CDH23: variants seen among roughly 807,000 people sequenced by gnomAD.
The protein encoded by CDH23 is cadherin related 23.
In CDH23, 189 loss-of-function variants were observed where a neutral mutation model predicts 317.1. That is an observed-to-expected ratio of 0.60 (90% confidence interval 0.53 to 0.67). The LOEUF (loss-of-function observed/expected upper bound fraction) is 0.67. Ranked by LOEUF, CDH23 falls within the 30% of genes least tolerant of loss-of-function variation. The pLI is 0.00. For synonymous variants in CDH23, 1,839 were observed against 1,876.8 expected, an observed-to-expected ratio of 0.98 and a Z score of 0.52; for missense variants, 4,401 against 4,592.4, an observed-to-expected ratio of 0.96 and a Z score of 1.20.
chr10:71,453,409 C>T (rs114169250), intron 3 of CDH23, among the ~76,000 whole-genome samples: 181 of 152,360 alleles, frequency 1.2e-3, no homozygotes, highest in African/African-American at 4.1e-3. Context: ...GCCGGCAACT[C>T]CCCGCAGGAG....
intron 3 of CDH23, among the ~76,000 whole-genome samples, chr10:71,452,734 C>T (rs1475016464): frequency 3.9e-5 from 6 of 152,152 alleles, no homozygotes; most frequent in African/African-American, 1.4e-4. Context: ...TAATTAACAG[C>T]GATTTTAGTG....
intron 6 of CDH23, among the ~76,000 whole-genome samples, chr10:71,523,593 C>T (rs55986323): frequency 0.08 from 12,113 of 152,104 alleles, 704 homozygotes; most frequent in Non-Finnish European, 0.12. Flanking sequence ...AGCCAGCAGC[C>T]GGGGGGAAAT....
At chr10:71,554,805 A>G (rs1856790319) in intron 6 of CDH23, among the ~76,000 whole-genome samples, 1 of 151,714 alleles carries the variant, frequency 6.6e-6, no homozygotes, top group South Asian at 2.1e-4. Context: ...CCAGCTCTCT[A>G]TAGAAGATAG....
intron 27 of CDH23, among the ~76,000 whole-genome samples, chr10:71,711,349 C>T (rs750749422): frequency 7.2e-5 from 11 of 152,154 alleles, no homozygotes; most frequent in South Asian, 2.1e-4. Flanking sequence ...CTCCAGTGAG[C>T]GACAGCACTG....
At position 71,537,319 on chromosome 10, in the gene CDH23, C is replaced by T. The variant is rs577688478; in HGVS notation, c.429+26107C>T. Among the ~76,000 whole-genome samples the T allele has an allele frequency of 5.5e-4, 84 of 152,220 alleles. 2 individuals are homozygous for T. The South Asian group carries it at 0.014, about 25-fold the overall frequency. On this transcript the variant is annotated intron_variant, in intron 6 of 69. Coordinates refer to ENST00000224721, the MANE Select transcript of CDH23 (RefSeq NM_022124.6). ...AAGTCATTAGTGGTAATAAACACAG[C>T]GGAGAGCCCGGGACATGATCCGTCA...
At chr10:71,491,253 T>C (rs1852641839) in intron 3 of CDH23, among the ~76,000 whole-genome samples, 1 of 152,154 alleles carries the variant, frequency 6.6e-6, no homozygotes, top group Admixed American at 6.5e-5. Context: ...TACTTTGCAG[T>C]GTGGCTGCAT....
At chr10:71,538,252 A>G (rs74488071) in intron 6 of CDH23, among the ~76,000 whole-genome samples, 2,775 of 152,320 alleles carry the variant, frequency 0.018, 85 homozygotes, top group African/African-American at 0.058. Context: ...AACTTCTCAC[A>G]GTCTCCAGCA....
At chr10:71,523,738 A>G (rs1021603494) in intron 6 of CDH23, among the ~76,000 whole-genome samples, 1 of 152,184 alleles carries the variant, frequency 6.6e-6, no homozygotes, top group Non-Finnish European at 1.5e-5. Context: ...CCATCCATCT[A>G]TTCATTCAAA....
intron 6 of CDH23, among the ~76,000 whole-genome samples, chr10:71,553,476 A>G (rs1856711852): frequency 6.6e-6 from 1 of 152,022 alleles, no homozygotes; most frequent in Admixed American, 6.5e-5. Context: ...GGCAGAAACC[A>G]CACCAGGCCT....
At chr10:71,798,331 C>T (rs1841459431) in intron 49 of CDH23, 23 bp from the exon 50 acceptor site, 3 of 1,583,338 alleles carry the variant, frequency 1.9e-6, no homozygotes, top group Admixed American at 1.7e-5. Context: ...TCCCCTCTCC[C>T]TCACTCCCTG....
chr10:71,599,152 C>G (rs2132469803), intron 9 of CDH23, among the ~76,000 whole-genome samples: 1 of 152,304 alleles, frequency 6.6e-6, no homozygotes, highest in South Asian at 2.1e-4. Flanking sequence ...CATGTATTCA[C>G]CACCCTGATA....
chr10:71,575,454 A>T (rs1462073039), intron 8 of CDH23, among the ~76,000 whole-genome samples: 1 of 152,216 alleles, frequency 6.6e-6, no homozygotes, highest in Non-Finnish European at 1.5e-5. Flanking sequence ...TAACTTACTC[A>T]AAGGATTCGA....
At chr10:71,520,890 G>T (rs990803379) in intron 6 of CDH23, among the ~76,000 whole-genome samples, 2 of 152,160 alleles carry the variant, frequency 1.3e-5, no homozygotes, top group Admixed American at 6.5e-5. Context: ...TGATGTGTGC[G>T]CAGGCTGCCT....
intron 4 of CDH23, among the ~76,000 whole-genome samples, chr10:71,510,573 G>A (rs936263345): frequency 6.6e-6 from 1 of 151,950 alleles, no homozygotes; most frequent in Non-Finnish European, 1.5e-5. Flanking sequence ...AGGAATTGAC[G>A]GCATGGTAGC....
chr10:71,725,413 C>T lies in CDH23; in HGVS notation c.3472C>T (p.Leu1158Phe), dbSNP rs1866763573. The T allele has an allele frequency of 1.2e-6, 2 of 1,614,066 alleles. No individual in the cohort carries two copies. The highest frequency in any genetic ancestry group is 1.1e-5 in the South Asian group (1 of 91,092). The stretch of plus-strand genomic sequence containing the variant: ...CTTCCGGATCCATGTCAGCAATGGG[C>T]TCCTGATGCGAGGGCCCCGGCCCCT... ...NNFRIHVSNG[L>F]LMRGPRPLDR... Residue 1158 changes from leucine (L) to phenylalanine (F), a missense_variant, in exon 30 of 70, where the codon CTC (leucine) becomes TTC (phenylalanine). Leu to Phe is a conservative substitution (Grantham distance 22, BLOSUM62 0). Around this residue, in one of 3 missense-constraint regions of CDH23, gnomAD observed 3,068 missense variants for 3,203.3 expected, o/e 0.96. Coordinates refer to ENST00000224721, the MANE Select transcript of CDH23 (RefSeq NM_022124.6).
chr10:71,691,676 A>G (rs1865189617), intron 20 of CDH23, among the ~76,000 whole-genome samples: 2 of 152,204 alleles, frequency 1.3e-5, no homozygotes, highest in Admixed American at 1.3e-4. Flanking sequence ...TCAGAGCACT[A>G]GGAGGAGGTT....
chr10:71,656,456 G>C (rs769518972), intron 14 of CDH23, among the ~76,000 whole-genome samples: 1 of 152,194 alleles, frequency 6.6e-6, no homozygotes, highest in Non-Finnish European at 1.5e-5. Flanking sequence ...CAAATCCAGC[G>C]ACTATTTAAG....
intron 6 of CDH23, among the ~76,000 whole-genome samples, chr10:71,560,197 C>T (rs1188062904): frequency 2.6e-5 from 4 of 152,174 alleles, no homozygotes; most frequent in Non-Finnish European, 5.9e-5. Context: ...GCTTTAGCAT[C>T]CAACAGAAAC....
chr10:71,723,409 C>T (rs1231101156), intron 28 of CDH23, among the ~76,000 whole-genome samples: 1 of 152,124 alleles, frequency 6.6e-6, no homozygotes, highest in Non-Finnish European at 1.5e-5. Flanking sequence ...AACAACGTCC[C>T]CCCCCACACA....
Sources: allele counts gnomAD v4.1 joint callset (sites outside exome capture counted in the v4.1 genomes callset), GRCh38; gene constraint gnomAD v4.1.1; regional missense constraint gnomAD v4.1.1; transcripts MANE v1.5; gene names NCBI Gene and HGNC (gene_info 2026-07-23, HGNC 2026-07-21).